The following ZBTB20 variants were observed in gnomAD, a reference collection of about 807,000 sequenced individuals.
The protein encoded by ZBTB20 is zinc finger and BTB domain containing 20.
ZBTB20 carries 9 observed loss-of-function variants against 56.9 expected under a neutral mutation model. The observed-to-expected ratio is 0.16, with a 90% confidence interval of 0.10 to 0.28. ZBTB20 has a LOEUF of 0.28. Ranked by LOEUF, ZBTB20 falls within the 10% of genes least tolerant of loss-of-function variation. The pLI, the probability that ZBTB20 is intolerant of heterozygous loss-of-function variation, is 1.00. For synonymous variants in ZBTB20, 417 were observed against 420.7 expected (o/e 0.99, Z 0.11); for missense variants, 655 against 1,003.0 (o/e 0.65, Z 4.69).
chr3:114,537,778 T>C (rs779818439), intron 6 of ZBTB20, among the ~76,000 whole-genome samples: 2 of 152,084 alleles, frequency 1.3e-5, no homozygotes, highest in African/African-American at 4.8e-5. Flanking sequence ...AAATGTGGCA[T>C]ATACACAACA....
At chr3:115,083,989 A>C (rs549790153) in intron 1 of ZBTB20, among the ~76,000 whole-genome samples, 1 of 151,972 alleles carries the variant, frequency 6.6e-6, no homozygotes, top group African/African-American at 2.4e-5. Context: ...AGTTTAGTGG[A>C]TATTGTCTGT....
intron 2 of ZBTB20, among the ~76,000 whole-genome samples, chr3:115,025,957 T>C (rs1012378678): frequency 8.0e-5 from 12 of 150,730 alleles, no homozygotes; most frequent in African/African-American, 2.9e-4. Context: ...ACTAAAATAA[T>C]GCCTAACACA....
At chr3:115,122,049 T>C (rs2084197074) in intron 1 of ZBTB20, among the ~76,000 whole-genome samples, 1 of 152,070 alleles carries the variant, frequency 6.6e-6, no homozygotes, top group African/African-American at 2.4e-5. Flanking sequence ...TTTAGAATCA[T>C]ACTGCAGTTT....
chr3:114,333,307 A>G lies in ZBTB20; in HGVS notation c.*5698T>C, dbSNP rs1170408722. On this transcript the variant is annotated 3_prime_UTR_variant, in exon 12 of 12. Coordinates refer to ENST00000675478, the MANE Select transcript of ZBTB20 (RefSeq NM_001348800.3). ...TATGAAAATACTCTCTCTCAAGAGC[A>G]AGGGCTCTTCCGTGCCCCTTTTCTG... 1 of 152,218 alleles carries G rather than the reference A, an allele frequency of 6.6e-6. No individual in the cohort carries two copies. The highest frequency in any genetic ancestry group is 1.5e-5 in the Non-Finnish European group (1 of 68,046). 9.4% of individuals were successfully genotyped at this position (152,218 alleles called of 1,614,324 possible).
At chr3:114,451,353 G>GGA (rs1467019580) in intron 7 of ZBTB20, among the ~76,000 whole-genome samples, 1 of 152,028 alleles carries the variant, frequency 6.6e-6, no homozygotes, top group African/African-American at 2.4e-5. Flanking sequence ...CTGATGAAGG[G>GGA]GAGGGTTAAA....
rs575619721 is a variant in ZBTB20 at position 114,609,761 on chromosome 3, C to A, written c.-295+83767G>T. On this transcript the variant is annotated intron_variant, in intron 6 of 11. Coordinates refer to ENST00000675478, the MANE Select transcript of ZBTB20 (RefSeq NM_001348800.3). ...ACAGTGAAATACAGCCGGAAATACA[C>A]CTGATGGCAGAATCCACCAGGATCA... Among the ~76,000 whole-genome samples, 8 of 152,262 alleles carry A rather than the reference C, an allele frequency of 5.3e-5. No individual in the cohort carries two copies. In the South Asian group the frequency reaches 1.2e-3, roughly 24 times the overall value.
chr3:115,116,163 A>G (rs1483730507), intron 1 of ZBTB20, among the ~76,000 whole-genome samples: 1 of 152,020 alleles, frequency 6.6e-6, no homozygotes, highest in Non-Finnish European at 1.5e-5. Context: ...CAAGGCACAG[A>G]TAACATTTAG....
At chr3:114,775,031 C>A (rs903735431) in intron 5 of ZBTB20, among the ~76,000 whole-genome samples, 1 of 152,116 alleles carries the variant, frequency 6.6e-6, no homozygotes, top group Non-Finnish European at 1.5e-5. Flanking sequence ...AATTATTTTG[C>A]TTTAATTTTA....
chr3:115,146,976 G>GGGGGAGGGGGCGCGGGC (rs1315871343), intron 1 of ZBTB20, among the ~76,000 whole-genome samples: 4 of 150,374 alleles, frequency 2.7e-5, no homozygotes, highest in African/African-American at 4.9e-5. Flanking sequence ...GAAGGGCGCC[G>GGGGGAGGGGGCGCGGGC]GGGGAGGGGG....
chr3:114,726,869 G>A (rs544483717), intron 5 of ZBTB20, among the ~76,000 whole-genome samples: 1 of 117,400 alleles, frequency 8.5e-6, no homozygotes, highest in South Asian at 2.9e-4. Flanking sequence ...CCGAGATTGT[G>A]CCACTGCACT....
At chr3:114,796,620 A>T (rs1212389043) in intron 5 of ZBTB20, among the ~76,000 whole-genome samples, 1 of 151,940 alleles carries the variant, frequency 6.6e-6, no homozygotes, top group African/African-American at 2.4e-5. Context: ...TCAAAGAAAG[A>T]GAATAAATGA....
chr3:114,996,150 A>C (rs956765482), intron 2 of ZBTB20, among the ~76,000 whole-genome samples: 1 of 151,874 alleles, frequency 6.6e-6, no homozygotes, highest in Non-Finnish European at 1.5e-5. Flanking sequence ...ACACTGCCTT[A>C]TCAAAAAGCC....
chr3:114,479,174 G>A (rs1444045809), intron 7 of ZBTB20, among the ~76,000 whole-genome samples: 1 of 152,100 alleles, frequency 6.6e-6, no homozygotes, highest in African/African-American at 2.4e-5. Context: ...GAATTTGCTA[G>A]CCTGTTACTC....
intron 7 of ZBTB20, among the ~76,000 whole-genome samples, chr3:114,492,318 A>G (rs1164030487): frequency 1.3e-5 from 2 of 152,150 alleles, no homozygotes; most frequent in African/African-American, 4.8e-5. Flanking sequence ...TATGCTCACT[A>G]TGTATCTATC....
At chr3:114,355,538 C>T (rs2081162087) in intron 10 of ZBTB20, among the ~76,000 whole-genome samples, 1 of 152,208 alleles carries the variant, frequency 6.6e-6, no homozygotes, top group African/African-American at 2.4e-5. Context: ...AATGCTGAGG[C>T]AATTCCTTTC....
At chr3:114,474,667 C>T (rs1410173118) in intron 7 of ZBTB20, among the ~76,000 whole-genome samples, 1 of 152,174 alleles carries the variant, frequency 6.6e-6, no homozygotes, top group African/African-American at 2.4e-5. Context: ...CCCCTCCCAA[C>T]CCTTCTCCTG....
chr3:114,458,787 G>C (rs1003851437), intron 7 of ZBTB20, among the ~76,000 whole-genome samples: 2 of 151,636 alleles, frequency 1.3e-5, no homozygotes, highest in Non-Finnish European at 2.9e-5. Context: ...TGAAAGAAAA[G>C]GACAACATAT....
chr3:114,793,262 T>G (rs1287098482), intron 5 of ZBTB20, among the ~76,000 whole-genome samples: 1 of 152,172 alleles, frequency 6.6e-6, no homozygotes, highest in Non-Finnish European at 1.5e-5. Flanking sequence ...AAGGCTTTAA[T>G]TAAGTTAGTC....
chr3:114,979,739 C>T (rs930102994), intron 2 of ZBTB20, among the ~76,000 whole-genome samples: 6 of 151,994 alleles, frequency 3.9e-5, no homozygotes, highest in African/African-American at 1.4e-4. Flanking sequence ...GACAAGGATA[C>T]ATTCCTTCAA....
Sources: allele counts gnomAD v4.1 joint callset (sites outside exome capture counted in the v4.1 genomes callset), GRCh38; gene constraint gnomAD v4.1.1; transcripts MANE v1.5; gene names NCBI Gene and HGNC (gene_info 2026-07-23, HGNC 2026-07-21).